The following MYO1D variants were observed in gnomAD, a reference collection of about 807,000 sequenced individuals.
MYO1D encodes myosin ID, also known as unconventional myosin-Id.
In MYO1D, 83 loss-of-function variants were observed where a neutral mutation model predicts 122.0. The ratio of observed to expected loss-of-function variants is 0.68; its 90% CI spans 0.57 to 0.82. The LOEUF (loss-of-function observed/expected upper bound fraction) is 0.82. MYO1D is among the 40% of genes least tolerant of loss of function. MYO1D has a pLI of 0.00. For synonymous variants in MYO1D, 464 were observed against 446.9 expected (o/e 1.04, Z -0.48); for missense variants, 1,157 against 1,269.5 (o/e 0.91, Z 1.35).
chr17:32,618,262 T>G (rs2087802813), intron 20 of MYO1D, among the ~76,000 whole-genome samples: 1 of 152,224 alleles, frequency 6.6e-6, no homozygotes, highest in Non-Finnish European at 1.5e-5. Flanking sequence ...TCAACATTAT[T>G]CAGGTCAAGG....
At chr17:32,699,126 G>A (rs999868181) in intron 16 of MYO1D, among the ~76,000 whole-genome samples, 11 of 151,782 alleles carry the variant, frequency 7.2e-5, no homozygotes, top group African/African-American at 1.2e-4. Context: ...CATCACGCCC[G>A]GCTAATTTTT....
intron 20 of MYO1D, among the ~76,000 whole-genome samples, chr17:32,614,072 ATTTT>A (rs527897976): frequency 1.4e-4 from 18 of 126,606 alleles, no homozygotes; most frequent in Non-Finnish European, 2.1e-4. Context: ...TAATGTTTTA[ATTTT>A]TTTTTTTTTT....
At chr17:32,510,680 AC>A (rs1210933284) in intron 21 of MYO1D, 1 of 151,968 alleles carries the variant, frequency 6.6e-6, no homozygotes, top group African/African-American at 2.4e-5. Context: ...CCAGGCAGGG[AC>A]TCGGTGCACT....
intron 1 of MYO1D, among the ~76,000 whole-genome samples, chr17:32,802,411 GA>G (rs1369251673): frequency 6.6e-6 from 1 of 152,014 alleles, no homozygotes; most frequent in Non-Finnish European, 1.5e-5. Context: ...ATCAGCTAAA[GA>G]AAAAAATTTT....
At chr17:32,825,556 T>C (rs1387494800) in intron 1 of MYO1D, among the ~76,000 whole-genome samples, 3 of 152,318 alleles carry the variant, frequency 2.0e-5, no homozygotes, top group East Asian at 3.9e-4. Context: ...GCCTCTCAAA[T>C]TGCTGGGATT....
At chr17:32,869,857 G>A (rs1479237454) in intron 1 of MYO1D, among the ~76,000 whole-genome samples, 1 of 152,042 alleles carries the variant, frequency 6.6e-6, no homozygotes, top group African/African-American at 2.4e-5. Flanking sequence ...TGCTTGAGCT[G>A]GGGAAGTCAA....
chr17:32,658,812 T>C, intron 17 of MYO1D: 1 of 338,258 alleles, frequency 3.0e-6, no homozygotes, highest in Non-Finnish European at 5.5e-6. Context: ...GTGGTTTTAT[T>C]TTTAGCTAAT....
In MYO1D at chr17:32,755,513, G is replaced by A. The variant is rs189288278; in HGVS notation, c.1446C>T (p.His482=). 173 of 1,613,718 alleles carry A rather than the reference G, an allele frequency of 1.1e-4. 1 individual carries two copies. In the East Asian group the frequency reaches 3.3e-3, roughly 31 times the overall value. Residue 482 remains histidine (H), a synonymous_variant, in exon 11 of 22, where the codon CAC becomes CAT. Transcript: ENST00000318217. The stretch of plus-strand genomic sequence containing the variant: ...TTACCTTTCGGCTGGAAAAATGGGC[G>A]TGTTTGCCCAATTTACTGTTAAGTG... ...LEALNSKLGK[H]AHFSSRKLCA...
At chr17:32,812,744 T>C (rs1310707016) in intron 1 of MYO1D, among the ~76,000 whole-genome samples, 1 of 152,188 alleles carries the variant, frequency 6.6e-6, no homozygotes, top group Non-Finnish European at 1.5e-5. Flanking sequence ...TGCTGCACAG[T>C]TTTGCTTAGA....
At chr17:32,785,054 G>A (rs1049961291) in intron 1 of MYO1D, among the ~76,000 whole-genome samples, 1 of 152,158 alleles carries the variant, frequency 6.6e-6, no homozygotes, top group Non-Finnish European at 1.5e-5. Context: ...GGTGCTCAGT[G>A]GGGGGAATGG....
intron 1 of MYO1D, among the ~76,000 whole-genome samples, chr17:32,839,772 A>G (rs2090861234): frequency 6.6e-6 from 1 of 152,072 alleles, no homozygotes; most frequent in South Asian, 2.1e-4. Context: ...TTTTTAATGC[A>G]TTTTTTCCAC....
At chr17:32,828,487 G>GCCTGGACGA (rs1182041226) in intron 1 of MYO1D, among the ~76,000 whole-genome samples, 2 of 129,500 alleles carry the variant, frequency 1.5e-5, no homozygotes, top group Non-Finnish European at 3.1e-5. Context: ...CTGAACTCCA[G>GCCTGGACGA]CCTGGACGAC....
chr17:32,597,138 C>T (rs184100926), intron 21 of MYO1D, among the ~76,000 whole-genome samples: 14 of 152,258 alleles, frequency 9.2e-5, no homozygotes, highest in Non-Finnish European at 1.8e-4. Context: ...TTCTTTTCTA[C>T]TTTTCTAAGC....
chr17:32,600,910 G>A (rs1053044819), intron 21 of MYO1D, among the ~76,000 whole-genome samples: 1 of 150,942 alleles, frequency 6.6e-6, no homozygotes, highest in African/African-American at 2.4e-5. Flanking sequence ...CTTTCAACCT[G>A]CGTTCCTCAC....
At chr17:32,545,852 C>T (rs2086961112) in intron 21 of MYO1D, among the ~76,000 whole-genome samples, 2 of 151,190 alleles carry the variant, frequency 1.3e-5, no homozygotes, top group African/African-American at 2.4e-5. Flanking sequence ...TGCTTTCTCC[C>T]TTTCCTCTGT....
chr17:32,845,200 G>C (rs1458457308), intron 1 of MYO1D, among the ~76,000 whole-genome samples: 1 of 152,024 alleles, frequency 6.6e-6, no homozygotes, highest in Non-Finnish European at 1.5e-5. Context: ...TATAAATGAA[G>C]TTTTCACTTA....
At chr17:32,820,076 C>T (rs764251431) in intron 1 of MYO1D, among the ~76,000 whole-genome samples, 28 of 152,154 alleles carry the variant, frequency 1.8e-4, no homozygotes, top group Non-Finnish European at 4.1e-4. Context: ...AAAACATGGT[C>T]ACTGTTCAGT....
intron 1 of MYO1D, among the ~76,000 whole-genome samples, chr17:32,809,737 C>A (rs1223973111): frequency 6.6e-6 from 1 of 152,160 alleles, no homozygotes; most frequent in Non-Finnish European, 1.5e-5. Context: ...CTGTGCCCAG[C>A]CATTGGGCTG....
intron 1 of MYO1D, among the ~76,000 whole-genome samples, chr17:32,802,038 T>C (rs1391925081): frequency 6.6e-6 from 1 of 152,216 alleles, no homozygotes; most frequent in African/African-American, 2.4e-5. Flanking sequence ...GTCTTGGCTG[T>C]GTGGTATACA....
Sources: gnomAD v4.1 joint callset for allele counts (sites outside exome capture counted in the v4.1 genomes callset) on GRCh38, gnomAD v4.1.1 for gene constraint, MANE v1.5 for transcripts, NCBI Gene and HGNC (gene_info 2026-07-23, HGNC 2026-07-21) for gene names.